VPS13B: variants seen among roughly 807,000 people sequenced by gnomAD.
The protein encoded by VPS13B is vacuolar protein sorting 13 homolog B.
Under a neutral mutation model 426.4 loss-of-function variants are expected in VPS13B, and 285 were observed. That is an observed-to-expected ratio of 0.67 (90% CI 0.61 to 0.74). The LOEUF (loss-of-function observed/expected upper bound fraction) is 0.74. Among genes scored for constraint, VPS13B ranks in the 30% least tolerant of loss-of-function variants. VPS13B has a pLI of 0.00. For missense variants in VPS13B, 4,537 were observed against 4,782.6 expected, an observed-to-expected ratio of 0.95 and a Z score of 1.51; for synonymous variants, 1,676 against 1,676.4, an observed-to-expected ratio of 1.00 and a Z score of 0.01.
intron 4 of VPS13B, among the ~76,000 whole-genome samples, chr8:99,098,983 C>T (rs950145825): frequency 6.6e-6 from 1 of 151,628 alleles, no homozygotes; most frequent in Non-Finnish European, 1.5e-5. Flanking sequence ...GACTTTTTTC[C>T]CTCCTTTGCA....
chr8:99,091,597 C>G (rs1335987288), intron 3 of VPS13B: 1 of 152,074 alleles, frequency 6.6e-6, no homozygotes, highest in Admixed American at 6.6e-5. Context: ...AGAGTTGAGT[C>G]AGATTTCTAT....
At chr8:99,223,255 A>T (rs566906794) in intron 17 of VPS13B, among the ~76,000 whole-genome samples, 2 of 152,324 alleles carry the variant, frequency 1.3e-5, no homozygotes, top group East Asian at 3.9e-4. Flanking sequence ...ACTGCTTAAG[A>T]TAATAGTGGA....
At chr8:99,510,481 A>G (rs1177186180) in intron 28 of VPS13B, among the ~76,000 whole-genome samples, 1 of 152,184 alleles carries the variant, frequency 6.6e-6, no homozygotes, top group Non-Finnish European at 1.5e-5. Flanking sequence ...ATGAAAAGAT[A>G]AAATCAAGAT....
rs79157525 is a variant in VPS13B, at chr8:99,571,815, C to T, written c.4950-3843C>T. Among the ~76,000 whole-genome samples, 55 of 152,196 alleles carry T rather than the reference C, an allele frequency of 3.6e-4. No individual in the cohort carries two copies. The East Asian group carries it at 8.5e-3, about 23-fold the overall frequency. On this transcript the variant is annotated intron_variant, in intron 31 of 61. Coordinates refer to ENST00000357162, the MANE Select transcript of VPS13B (RefSeq NM_152564.5). ...TAGTCACAGATTTTAATACTTCTTCCGGTTACTCTCTACTCACCAGATCTC... is the reference window on the plus strand; with the variant it reads ...TAGTCACAGATTTTAATACTTCTTCTGGTTACTCTCTACTCACCAGATCTC...
chr8:99,636,348 C>T (rs893874930), intron 33 of VPS13B, among the ~76,000 whole-genome samples: 1 of 151,928 alleles, frequency 6.6e-6, no homozygotes, highest in Non-Finnish European at 1.5e-5. Context: ...AACAATTTAT[C>T]TTGATAGATG....
At chr8:99,236,646 T>G (rs143031836) in intron 17 of VPS13B, among the ~76,000 whole-genome samples, 32 of 152,344 alleles carry the variant, frequency 2.1e-4, no homozygotes, top group African/African-American at 7.2e-4. Flanking sequence ...TAAATGATGT[T>G]TCCTGAAGGA....
intron 19 of VPS13B, among the ~76,000 whole-genome samples, chr8:99,328,260 G>C (rs995730137): frequency 1.4e-4 from 22 of 152,120 alleles, no homozygotes; most frequent in Admixed American, 1.2e-3. Flanking sequence ...CCTGAACCAA[G>C]TCCGTGGTAA....
chr8:99,728,045 T>C (rs1833423733), intron 39 of VPS13B, among the ~76,000 whole-genome samples: 1 of 152,232 alleles, frequency 6.6e-6, no homozygotes, highest in African/African-American at 2.4e-5. Flanking sequence ...TATCATACAC[T>C]GGTTGAGCCA....
intron 15 of VPS13B, among the ~76,000 whole-genome samples, chr8:99,164,692 CTCTT>C (rs1157350608): frequency 1.3e-5 from 2 of 151,806 alleles, no homozygotes; most frequent in Non-Finnish European, 2.9e-5. Context: ...TTCCATCTCT[CTCTT>C]TCTCTCTTCG....
chr8:99,115,564 TTTTGA>T (rs1563548755), intron 6 of VPS13B, 131 bp from the exon 7 acceptor site: 6 of 884,018 alleles, frequency 6.8e-6, no homozygotes, highest in South Asian at 3.6e-5. Context: ...GTAAGTATTG[TTTTGA>T]TTTAAGTATT....
intron 42 of VPS13B, 68 bp downstream of exon 42, chr8:99,779,099 C>G: frequency 5.8e-6 from 8 of 1,387,424 alleles, no homozygotes; most frequent in Non-Finnish European, 6.1e-6. Flanking sequence ...TGTATGCTAT[C>G]ACTTCTGATA....
chr8:99,746,526 T>C (rs1810095964), intron 39 of VPS13B, among the ~76,000 whole-genome samples: 1 of 152,152 alleles, frequency 6.6e-6, no homozygotes, highest in Non-Finnish European at 1.5e-5. Flanking sequence ...GCGCCAGAAA[T>C]TCTGCTTAAC....
At chr8:99,092,324 C>G (rs1004808089) in intron 3 of VPS13B, among the ~76,000 whole-genome samples, 1 of 152,090 alleles carries the variant, frequency 6.6e-6, no homozygotes, top group Non-Finnish European at 1.5e-5. Flanking sequence ...AATATACTTA[C>G]CAGACATTTT....
intron 50 of VPS13B, among the ~76,000 whole-genome samples, chr8:99,823,185 A>G (rs535283651): frequency 6.6e-6 from 1 of 152,302 alleles, no homozygotes; most frequent in Admixed American, 6.5e-5. Context: ...GACCCTCTTC[A>G]TCTTTGTGAC....
Position 99,809,446 on chromosome 8 carries a change from G to A in VPS13B, c.8013G>A (p.Gly2671=). The A allele has an allele frequency of 6.2e-7, 1 of 1,614,008 alleles. No individual in the cohort carries two copies. The highest frequency in any genetic ancestry group is 8.5e-7 in the Non-Finnish European group (1 of 1,179,950). ...WSEPFSVDHA[G]TFIRTIQYRG... is the part of the protein sequence containing the mutation. ...AGCCTTTCAGTGTGGACCATGCCGGGACTTTTATTAGAACAATTCAGTACA... is the reference window on the plus strand; with the variant it reads ...AGCCTTTCAGTGTGGACCATGCCGGAACTTTTATTAGAACAATTCAGTACA... The change falls in exon 44 of 62, where the codon GGG becomes GGA. Residue 2671 remains glycine (G), a synonymous_variant. Coordinates refer to ENST00000357162, the MANE Select transcript of VPS13B (RefSeq NM_152564.5).
chr8:99,360,668 T>G (rs1812511665), intron 19 of VPS13B, among the ~76,000 whole-genome samples: 1 of 152,150 alleles, frequency 6.6e-6, no homozygotes, highest in Non-Finnish European at 1.5e-5. Flanking sequence ...TGATTATACT[T>G]TTTTCATGGA....
chr8:99,231,089 T>C lies in VPS13B; in HGVS notation c.2515+38032T>C, dbSNP rs1052061239. ...AATAGACAATGAACATATGCTTATA[T>C]GCTTTATGTGTTAAAGTTCTGTCAA... On this transcript the variant is annotated intron_variant, in intron 17 of 61. Transcript: ENST00000357162. 3.3e-5 allele frequency among the ~76,000 whole-genome samples: 5 copies of C among 152,374 alleles called. No individual in the cohort carries two copies. The East Asian group carries it at 5.8e-4, about 18-fold the overall frequency.
At chr8:99,501,629 A>G (rs760953706) in intron 25 of VPS13B, 58 bp from the exon 26 acceptor site, 2 of 1,516,890 alleles carry the variant, frequency 1.3e-6, no homozygotes, top group African/African-American at 1.4e-5. Flanking sequence ...TATAATTTGT[A>G]TTTTCTGTTA....
intron 43 of VPS13B, among the ~76,000 whole-genome samples, chr8:99,791,927 G>C (rs758397724): frequency 3.9e-5 from 6 of 152,028 alleles, no homozygotes; most frequent in Non-Finnish European, 7.4e-5. Context: ...AATAGCCTAG[G>C]CATCCTAGGC....
Sources: allele counts gnomAD v4.1 joint callset (sites outside exome capture counted in the v4.1 genomes callset), GRCh38; gene constraint gnomAD v4.1.1; transcripts MANE v1.5; gene names NCBI Gene and HGNC (gene_info 2026-07-23, HGNC 2026-07-21).